The following GOLM1 variants were observed in gnomAD, a reference collection of about 807,000 sequenced individuals.
GOLM1 encodes golgi membrane protein 1.
In GOLM1, 31 loss-of-function variants were observed where a neutral mutation model predicts 50.5. That is an observed-to-expected ratio of 0.61 (90% CI 0.46 to 0.83). The LOEUF is 0.83. Among genes scored for constraint, GOLM1 ranks in the 40% least tolerant of loss-of-function variants. The pLI, the probability that GOLM1 is intolerant of heterozygous loss-of-function variation, is 0.00. For missense variants in GOLM1, 491 were observed against 501.3 expected, an observed-to-expected ratio of 0.98 and a Z score of 0.20; for synonymous variants, 178 against 192.8, an observed-to-expected ratio of 0.92 and a Z score of 0.64.
At chr9:86,060,364 A>G (rs1834118415) in intron 3 of GOLM1, among the ~76,000 whole-genome samples, 2 of 152,076 alleles carry the variant, frequency 1.3e-5, no homozygotes, top group Non-Finnish European at 2.9e-5. Context: ...CAAGTCATTT[A>G]TGGCATCCTG....
chr9:86,036,787 C>T (rs1186013567), intron 6 of GOLM1: 1 of 415,402 alleles, frequency 2.4e-6, no homozygotes, highest in Admixed American at 4.3e-5. Context: ...AATAAAATAC[C>T]TAGGCGGAAG....
intron 5 of GOLM1, among the ~76,000 whole-genome samples, chr9:86,046,113 T>C (rs1005502299): frequency 5.3e-5 from 8 of 152,350 alleles, no homozygotes; most frequent in Middle Eastern, 3.4e-3. Flanking sequence ...CAATAAACTA[T>C]TACTATATCA....
intron 3 of GOLM1, among the ~76,000 whole-genome samples, chr9:86,063,594 G>A (rs537531755): frequency 6.6e-6 from 1 of 152,324 alleles, no homozygotes; most frequent in South Asian, 2.1e-4. Flanking sequence ...GAGACGGTAA[G>A]TGAAAAAACA....
intron 1 of GOLM1, among the ~76,000 whole-genome samples, chr9:86,081,194 ATTTTTT>A (rs141790142): frequency 7.5e-6 from 1 of 133,700 alleles, no homozygotes; most frequent in Non-Finnish European, 1.6e-5. Flanking sequence ...AGCCTCAATG[ATTTTTT>A]TTTTTTTTTT....
intron 3 of GOLM1, among the ~76,000 whole-genome samples, chr9:86,075,964 A>T (rs1160054325): frequency 6.6e-6 from 1 of 152,238 alleles, no homozygotes; most frequent in Non-Finnish European, 1.5e-5. Flanking sequence ...AACAACAAAA[A>T]AAGTACTTCT....
chr9:86,062,803 C>T (rs1408282600), intron 3 of GOLM1, among the ~76,000 whole-genome samples: 1 of 152,108 alleles, frequency 6.6e-6, no homozygotes, highest in Admixed American at 6.5e-5. Context: ...GTGCCTCTAA[C>T]CTACACGTGA....
At position 86,026,609 on chromosome 9, in the gene GOLM1, C is replaced by T. The variant is rs1832793139; in HGVS notation, c.*1208G>A. 3.1e-6 allele frequency: 3 copies of T among 981,352 alleles called. No individual in the cohort carries two copies. Among genetic ancestry groups the T allele is most frequent in the Non-Finnish European group, 3.6e-6 (3 of 826,266 alleles). The allele number at this position is 981,352 out of a possible 1,614,324, so 60.8% of individuals were successfully genotyped here. A position where few individuals can be genotyped will look rare whatever the true frequency, so the allele number is the denominator to read the frequency against. On this transcript the variant is annotated 3_prime_UTR_variant, in exon 10 of 10. Coordinates refer to ENST00000388712, the MANE Select transcript of GOLM1 (RefSeq NM_016548.4). Reference sequence around the variant, plus strand: ...AATCCTGTGGATCCTCCTACTTACCCCTTAGAGAGCCTTACTGGGAAGTCA... The same window carrying T: ...AATCCTGTGGATCCTCCTACTTACCTCTTAGAGAGCCTTACTGGGAAGTCA...
intron 1 of GOLM1, among the ~76,000 whole-genome samples, chr9:86,098,353 A>C (rs1835414938): frequency 6.6e-6 from 1 of 152,236 alleles, no homozygotes; most frequent in Admixed American, 6.5e-5. Flanking sequence ...CATGCCCTCC[A>C]AAATTCAGAA....
intron 1 of GOLM1, among the ~76,000 whole-genome samples, chr9:86,091,804 A>G (rs536968187): frequency 4.3e-4 from 65 of 152,362 alleles, no homozygotes; most frequent in African/African-American, 1.4e-3. Context: ...ATTTGAAAGC[A>G]GAAAATAAAC....
chr9:86,056,858 T>C (rs895009648), intron 3 of GOLM1, among the ~76,000 whole-genome samples: 1 of 152,110 alleles, frequency 6.6e-6, no homozygotes, highest in Non-Finnish European at 1.5e-5. Flanking sequence ...TGCAGTGCAG[T>C]GGCGCTATCA....
intron 3 of GOLM1, among the ~76,000 whole-genome samples, chr9:86,059,486 G>A (rs944112424): frequency 2.2e-4 from 33 of 152,158 alleles, no homozygotes; most frequent in African/African-American, 6.8e-4. Context: ...TACATGATAC[G>A]TCCAGAATAG....
intron 8 of GOLM1, among the ~76,000 whole-genome samples, chr9:86,034,676 T>C (rs955789081): frequency 1.3e-5 from 2 of 152,226 alleles, no homozygotes; most frequent in Non-Finnish European, 2.9e-5. Flanking sequence ...AAATTAGATT[T>C]AAATGGAATC....
chr9:86,040,853 A>T lies in GOLM1; in HGVS notation c.483T>A (p.Asn161Lys), dbSNP rs1833321081. ...ACTGTTCCTTCACCTCCTTCATCTG[A>T]TTGATGCACTGGCTCCTTTGGTGAA... ...KFSYDLSQCI[N>K]QMKEVKEQCE... is the part of the protein sequence containing the mutation. The change falls in exon 6 of 10, where the codon AAT (asparagine) becomes AAA (lysine). Residue 161 changes from asparagine (N) to lysine (K), a missense_variant. Asn to Lys is a moderately conservative substitution (Grantham distance 94). Transcript: ENST00000388712. The T allele has an allele frequency of 1.9e-6, 3 of 1,613,730 alleles. No individual in the cohort carries two copies. In the African/African-American group the frequency reaches 4.0e-5, roughly 22 times the overall value.
chr9:86,040,135 C>A (rs933696635), intron 6 of GOLM1, among the ~76,000 whole-genome samples: 1 of 151,990 alleles, frequency 6.6e-6, no homozygotes, highest in African/African-American at 2.4e-5. Context: ...TTCTTTTGTG[C>A]CAATAAAAAT....
At chr9:86,053,180 A>G (rs1833829224) in intron 3 of GOLM1, among the ~76,000 whole-genome samples, 1 of 113,774 alleles carries the variant, frequency 8.8e-6, no homozygotes, top group Non-Finnish European at 1.8e-5. Flanking sequence ...CAAACCACAC[A>G]CCACACCCAC....
chr9:86,068,157 G>C (rs1165611609), intron 3 of GOLM1, among the ~76,000 whole-genome samples: 1 of 152,168 alleles, frequency 6.6e-6, no homozygotes, highest in Non-Finnish European at 1.5e-5. Flanking sequence ...GAAAGACTGA[G>C]AGGCAAGCAG....
Position 86,039,925 on chromosome 9 carries a change from G to A in GOLM1, c.597+814C>T, listed in dbSNP as rs573126173. On this transcript the variant is annotated intron_variant, in intron 6 of 9. Coordinates refer to ENST00000388712, the MANE Select transcript of GOLM1 (RefSeq NM_016548.4). ...AGAGGCTGCAGTGAGCTGAGATCGC[G>A]CCACTGCACTCTGGCCTGGGTGAGA... Among the ~76,000 whole-genome samples the A allele has an allele frequency of 2.4e-3, 366 of 149,688 alleles. 4 individuals carry two copies. The highest frequency in any genetic ancestry group is 8.6e-3 in the African/African-American group (351 of 40,622).
intron 9 of GOLM1, 24 bp from the exon 10 acceptor site, chr9:86,027,917 T>G (rs1441154490): frequency 7.5e-7 from 1 of 1,336,528 alleles, no homozygotes; most frequent in African/African-American, 1.4e-5. Context: ...ACACATAATA[T>G]TCTATAGAGT....
intron 3 of GOLM1, among the ~76,000 whole-genome samples, chr9:86,059,723 C>CT (rs546536716): frequency 1.1e-3 from 163 of 151,762 alleles, no homozygotes; most frequent in African/African-American, 3.8e-3. Context: ...ACTGAAACCC[C>CT]GTCTCTACTA....
Sources: gnomAD v4.1 joint callset for allele counts (sites outside exome capture counted in the v4.1 genomes callset) on GRCh38, gnomAD v4.1.1 for gene constraint, MANE v1.5 for transcripts, NCBI Gene and HGNC (gene_info 2026-07-23, HGNC 2026-07-21) for gene names.